ATRNL1: variants seen among roughly 807,000 people sequenced by gnomAD.
The protein encoded by ATRNL1 is attractin like 1.
ATRNL1 carries 95 observed loss-of-function variants against 182.7 expected under a neutral mutation model. The observed-to-expected ratio is 0.52, with a 90% confidence interval of 0.44 to 0.62. The LOEUF (loss-of-function observed/expected upper bound fraction) is 0.62. Ranked by LOEUF, ATRNL1 falls within the 20% of genes least tolerant of loss-of-function variation. The probability of loss-of-function intolerance (pLI) is 0.00; values close to 1 mark genes in which losing one functional copy is unlikely to be tolerated. For synonymous variants in ATRNL1, 576 were observed against 568.3 expected (o/e 1.01, Z -0.19); for missense variants, 1,471 against 1,679.5 (o/e 0.88, Z 2.17).
chr10:115,628,368 A>T (rs12244076), intron 26 of ATRNL1, among the ~76,000 whole-genome samples: 1 of 151,954 alleles, frequency 6.6e-6, no homozygotes, highest in African/African-American at 2.4e-5. Context: ...GGCCATTTGT[A>T]TATCTTTTTT....
intron 25 of ATRNL1, among the ~76,000 whole-genome samples, chr10:115,546,650 G>T (rs1461483147): frequency 6.6e-6 from 1 of 151,946 alleles, no homozygotes; most frequent in Non-Finnish European, 1.5e-5. Context: ...CTAGAGAAGG[G>T]TTCCTCAACC....
chr10:115,140,919 C>A (rs892862995), intron 5 of ATRNL1, among the ~76,000 whole-genome samples: 2 of 152,114 alleles, frequency 1.3e-5, no homozygotes, highest in Non-Finnish European at 2.9e-5. Context: ...TATCTCAAGA[C>A]CTTTCTTAAT....
At chr10:115,860,293 T>C (rs1951284604) in intron 28 of ATRNL1, among the ~76,000 whole-genome samples, 1 of 152,142 alleles carries the variant, frequency 6.6e-6, no homozygotes, top group Admixed American at 6.5e-5. Context: ...TACATTCAGT[T>C]CCATTTATTC....
At chr10:115,565,275 GAATTA>G (rs1391362510) in intron 26 of ATRNL1, among the ~76,000 whole-genome samples, 7 of 151,918 alleles carry the variant, frequency 4.6e-5, no homozygotes, top group Non-Finnish European at 7.4e-5. Context: ...CAGTCTTAGA[GAATTA>G]AATTAAAATG....
Position 115,445,362 on chromosome 10 carries a change from C to T in ATRNL1, c.3323-16579C>T, listed in dbSNP as rs145615845. Among the ~76,000 whole-genome samples the T allele has an allele frequency of 2.8e-4, 36 of 130,148 alleles. No individual in the cohort carries two copies. The East Asian group carries it at 7.7e-3, about 28-fold the overall frequency. The allele number at this position is 130,148 out of a possible 152,430, so 85.4% of individuals were successfully genotyped here. On this transcript the variant is annotated intron_variant, in intron 21 of 28. Transcript: ENST00000355044. The stretch of plus-strand genomic sequence containing the variant: ...ACAAGAATTGCTTGAACCTGGGAGG[C>T]AGAGGCTGCAGTGAGCCAAGAGTGT...
intron 27 of ATRNL1, among the ~76,000 whole-genome samples, chr10:115,743,208 C>A (rs1032822373): frequency 4.0e-5 from 5 of 125,230 alleles, no homozygotes; most frequent in Non-Finnish European, 5.0e-5. Context: ...GGGAGACAGA[C>A]AAACCATATT....
intron 24 of ATRNL1, among the ~76,000 whole-genome samples, chr10:115,481,534 T>G (rs1163786105): frequency 6.6e-6 from 1 of 150,856 alleles, no homozygotes; most frequent in Non-Finnish European, 1.5e-5. Flanking sequence ...AATAACTTGT[T>G]GAATTTCATA....
At chr10:115,546,281 T>C (rs1240374209) in intron 25 of ATRNL1, among the ~76,000 whole-genome samples, 1 of 152,002 alleles carries the variant, frequency 6.6e-6, no homozygotes, top group African/African-American at 2.4e-5. Flanking sequence ...AAGAGTTACA[T>C]TGGCCAGGTG....
At chr10:115,506,950 C>T (rs545230290) in intron 24 of ATRNL1, among the ~76,000 whole-genome samples, 88 of 152,120 alleles carry the variant, frequency 5.8e-4, no homozygotes, top group Non-Finnish European at 1.1e-3. Flanking sequence ...GTGACACAGC[C>T]TCAGGAAGTT....
In ATRNL1 at chr10:115,469,205, T is replaced by C; in HGVS notation, c.3530T>C (p.Val1177Ala). 1 of 1,367,200 alleles carries C rather than the reference T, an allele frequency of 7.3e-7. No individual in the cohort carries two copies. Among genetic ancestry groups the C allele is most frequent in the Non-Finnish European group, 9.8e-7 (1 of 1,024,088 alleles). The allele number at this position is 1,367,200 out of a possible 1,614,324, so 84.7% of individuals were successfully genotyped here. A position where few individuals can be genotyped will look rare whatever the true frequency, so the allele number is the denominator to read the frequency against. ...GTISGEETSI[V>A]SKNNIKEYRD... ...ATATCTGGGGAAGAGACTTCTATAG[T>C]TTCCAAGAATAATATAAAGGAATAC... The change falls in exon 24 of 29, where the codon GTT becomes GCT. Residue 1177 changes from valine to alanine, a missense_variant. Val to Ala is a moderately conservative substitution (Grantham distance 64). This residue lies in a region of ATRNL1 where 437 missense variants were observed against 506.0 expected (regional missense o/e 0.86). Coordinates refer to ENST00000355044, the MANE Select transcript of ATRNL1 (RefSeq NM_207303.4).
At chr10:115,416,054 T>C (rs1277338012) in intron 20 of ATRNL1, among the ~76,000 whole-genome samples, 2 of 152,094 alleles carry the variant, frequency 1.3e-5, no homozygotes, top group East Asian at 1.9e-4. Flanking sequence ...TCCCTAAGCA[T>C]TGAGATCAAC....
At chr10:115,827,770 A>T (rs1272197750) in intron 27 of ATRNL1, among the ~76,000 whole-genome samples, 1 of 152,182 alleles carries the variant, frequency 6.6e-6, no homozygotes. Context: ...GCAGTTGTCG[A>T]ATACTGACAC....
intron 28 of ATRNL1, among the ~76,000 whole-genome samples, chr10:115,890,982 C>G (rs1555111101): frequency 1.3e-5 from 2 of 152,142 alleles, no homozygotes; most frequent in African/African-American, 4.8e-5. Flanking sequence ...TCATGAAATG[C>G]CCAAGCAACT....
At chr10:115,926,826 A>C (rs782132598) in intron 28 of ATRNL1, among the ~76,000 whole-genome samples, 1 of 152,196 alleles carries the variant, frequency 6.6e-6, no homozygotes, top group Non-Finnish European at 1.5e-5. Context: ...AAATTCTACC[A>C]GAGGTACAAA....
chr10:115,477,832 T>G (rs1349056915), intron 24 of ATRNL1, among the ~76,000 whole-genome samples: 6 of 151,638 alleles, frequency 4.0e-5, no homozygotes, highest in African/African-American at 1.5e-4. Context: ...TAAAGAAGGC[T>G]TCAGTTATTG....
intron 20 of ATRNL1, among the ~76,000 whole-genome samples, chr10:115,400,201 GA>G (rs1204624644): frequency 6.6e-6 from 1 of 151,920 alleles, no homozygotes; most frequent in East Asian, 1.9e-4. Context: ...TCATTAGAGA[GA>G]ATTAAAACTG....
chr10:115,383,426 A>T (rs772053836), intron 19 of ATRNL1, among the ~76,000 whole-genome samples: 50 of 151,924 alleles, frequency 3.3e-4, no homozygotes, highest in Non-Finnish European at 6.5e-4. Flanking sequence ...AATTTCAGAA[A>T]AGTAACATGC....
chr10:115,203,466 A>C (rs187507488), intron 8 of ATRNL1, among the ~76,000 whole-genome samples: 1 of 151,820 alleles, frequency 6.6e-6, no homozygotes, highest in African/African-American at 2.4e-5. Flanking sequence ...TAAGCCCATG[A>C]TCTGGTCATT....
At chr10:115,536,965 T>C (rs1852063640) in intron 25 of ATRNL1, among the ~76,000 whole-genome samples, 1 of 100,378 alleles carries the variant, frequency 1.0e-5, no homozygotes, top group Admixed American at 8.8e-5. Flanking sequence ...TACAAAAAAG[T>C]CTCTGTTTAA....
Sources: allele counts gnomAD v4.1 joint callset (sites outside exome capture counted in the v4.1 genomes callset), GRCh38; gene constraint gnomAD v4.1.1; regional missense constraint gnomAD v4.1.1; transcripts MANE v1.5; gene names NCBI Gene and HGNC (gene_info 2026-07-23, HGNC 2026-07-21).